Variants in SLC26A7 observed in about 807,000 individuals in gnomAD.
The protein encoded by SLC26A7 is solute carrier family 26 member 7, also known as anion exchange transporter.
SLC26A7 carries 59 observed loss-of-function variants against 82.5 expected under a neutral mutation model. That is an observed-to-expected ratio of 0.72 (90% CI 0.58 to 0.89). The LOEUF (loss-of-function observed/expected upper bound fraction) is 0.89. SLC26A7 is among the 40% of genes least tolerant of loss of function. SLC26A7 has a pLI of 0.00. For synonymous variants in SLC26A7, 271 were observed against 274.3 expected (o/e 0.99, Z 0.12); for missense variants, 820 against 793.0 (o/e 1.03, Z -0.41).
chr8:91,285,026 T>C (rs910424566), intron 2 of SLC26A7, among the ~76,000 whole-genome samples: 12 of 152,212 alleles, frequency 7.9e-5, no homozygotes, highest in African/African-American at 2.9e-4. Flanking sequence ...AGGAATTTAT[T>C]CTTGAGGCTA....
chr8:91,388,295 G>A (rs1001057331), intron 15 of SLC26A7, among the ~76,000 whole-genome samples: 2 of 149,472 alleles, frequency 1.3e-5, no homozygotes, highest in South Asian at 2.1e-4. Flanking sequence ...TGCCCAGGCT[G>A]GAGTGCAGTG....
intron 15 of SLC26A7, among the ~76,000 whole-genome samples, chr8:91,377,655 C>G (rs35262211): frequency 0.17 from 26,087 of 152,122 alleles, 2,759 homozygotes; most frequent in African/African-American, 0.3. Context: ...CAAGTTGCCA[C>G]CAACAGCATT....
intron 6 of SLC26A7, among the ~76,000 whole-genome samples, chr8:91,334,835 G>A (rs1813196433): frequency 6.6e-6 from 1 of 152,070 alleles, no homozygotes; most frequent in Admixed American, 6.6e-5. Flanking sequence ...TATAAGATAT[G>A]TATAGAAATA....
At chr8:91,323,627 C>T (rs568855507) in intron 5 of SLC26A7, among the ~76,000 whole-genome samples, 1 of 152,146 alleles carries the variant, frequency 6.6e-6, no homozygotes, top group African/African-American at 2.4e-5. Flanking sequence ...TATTTTATCC[C>T]TTGAAGTAAT....
chr8:91,226,923 A>C (rs540629155), intron 2 of SLC26A7, among the ~76,000 whole-genome samples: 33 of 152,342 alleles, frequency 2.2e-4, no homozygotes, highest in African/African-American at 7.0e-4. Context: ...CATGACTCTG[A>C]TGTCAGGAAA....
At chr8:91,338,007 A>G in intron 6 of SLC26A7, 143 bp from the exon 7 acceptor site, 1 of 464,224 alleles carries the variant, frequency 2.2e-6, no homozygotes, top group Non-Finnish European at 3.6e-6. Context: ...TATTTTATTT[A>G]TTTTTGAAAG....
rs1333679061 is a variant in SLC26A7, at chr8:91,249,662, C to G, written c.11C>G (p.Ala4Gly). 5.2e-6 allele frequency: 8 copies of G among 1,524,136 alleles called. No individual in the cohort carries two copies. The South Asian group carries it at 1.0e-4, about 20-fold the overall frequency. 94.4% of individuals were successfully genotyped at this position (1,524,136 alleles called of 1,614,324 possible). The change falls in exon 2 of 19, where the codon GCA (alanine) becomes GGA (glycine). Residue 4 changes from alanine to glycine, a missense_variant. Ala to Gly is a moderately conservative substitution (Grantham distance 60). Coordinates refer to ENST00000276609, the MANE Select transcript of SLC26A7 (RefSeq NM_052832.4). ...GAAGAAATCTGAAAAATGACAGGAG[C>G]AAAGAGGAAAAAGAAAAGCATGCTT... MTG[A>G]KRKKKSMLWS...
chr8:91,394,695 A>G (rs1386043938), intron 18 of SLC26A7: 8 of 1,092,104 alleles, frequency 7.3e-6, no homozygotes, highest in Non-Finnish European at 9.0e-6. Flanking sequence ...TAACACTATT[A>G]TTATTAAATC....
At position 91,349,861 on chromosome 8, in the gene SLC26A7, T is replaced by C. The variant is rs570704221; in HGVS notation, c.1141-1949T>C. On this transcript the variant is annotated intron_variant, in intron 9 of 18. Transcript: ENST00000276609. Reference sequence around the variant, plus strand: ...TTTTTCTTTTCATGTAAACATGGAATTACTGAATCACTGACTGAGCTCTCT... The same window carrying C: ...TTTTTCTTTTCATGTAAACATGGAACTACTGAATCACTGACTGAGCTCTCT... 2.6e-5 allele frequency among the ~76,000 whole-genome samples: 4 copies of C among 152,268 alleles called. No individual in the cohort carries two copies. In the East Asian group the frequency reaches 7.7e-4, roughly 29 times the overall value.
chr8:91,332,158 TAC>T (rs1377774914), intron 5 of SLC26A7, among the ~76,000 whole-genome samples: 4 of 146,796 alleles, frequency 2.7e-5, no homozygotes, highest in African/African-American at 7.4e-5. Flanking sequence ...TATATATATA[TAC>T]ACACACATAT....
intron 9 of SLC26A7, among the ~76,000 whole-genome samples, chr8:91,348,844 C>G (rs549697235): frequency 6.6e-6 from 1 of 151,784 alleles, no homozygotes; most frequent in African/African-American, 2.4e-5. Context: ...GTAAAATATA[C>G]GAAGAAAGTA....
intron 2 of SLC26A7, among the ~76,000 whole-genome samples, chr8:91,233,693 A>C (rs1810346770): frequency 6.6e-6 from 1 of 152,224 alleles, no homozygotes; most frequent in Admixed American, 6.5e-5. Context: ...TAAAGGCCCC[A>C]AGCAACTTGT....
intron 15 of SLC26A7, among the ~76,000 whole-genome samples, chr8:91,370,966 ATTAC>A (rs1814342552): frequency 6.6e-6 from 1 of 151,852 alleles, no homozygotes; most frequent in South Asian, 2.1e-4. Flanking sequence ...ATCTAGTTGT[ATTAC>A]TTTTTATTTT....
intron 2 of SLC26A7, among the ~76,000 whole-genome samples, chr8:91,271,571 G>A (rs934925196): frequency 3.3e-5 from 5 of 151,526 alleles, no homozygotes; most frequent in African/African-American, 9.7e-5. Flanking sequence ...TTCCAGGCTC[G>A]GGGGTGGTCT....
intron 1 of SLC26A7, among the ~76,000 whole-genome samples, chr8:91,213,677 A>G (rs1809979026): frequency 6.6e-6 from 1 of 152,232 alleles, no homozygotes; most frequent in Non-Finnish European, 1.5e-5. Flanking sequence ...TTCAAAGTGG[A>G]AGATGAGATC....
At chr8:91,264,674 T>G (rs537403275) in intron 2 of SLC26A7, among the ~76,000 whole-genome samples, 1 of 152,138 alleles carries the variant, frequency 6.6e-6, no homozygotes, top group East Asian at 1.9e-4. Flanking sequence ...CCAAATTGCT[T>G]CTTTAAGAGT....
In SLC26A7 at chr8:91,327,136, G is replaced by A. The variant is rs147915285; in HGVS notation, c.643-7159G>A. On this transcript the variant is annotated intron_variant, in intron 5 of 18. Coordinates refer to ENST00000276609, the MANE Select transcript of SLC26A7 (RefSeq NM_052832.4). ...TTTTTTGGTGGGGAGGGGAGATAGG[G>A]GACTACAATTCACTCACTGCAGTAA... 5.2e-3 allele frequency among the ~76,000 whole-genome samples: 787 copies of A among 152,162 alleles called. 14 individuals are homozygous for A. Among genetic ancestry groups the A allele is most frequent in the South Asian group, 0.027 (128 of 4,816 alleles).
chr8:91,381,789 C>T (rs1205784154), intron 15 of SLC26A7, among the ~76,000 whole-genome samples: 1 of 152,124 alleles, frequency 6.6e-6, no homozygotes, highest in Non-Finnish European at 1.5e-5. Flanking sequence ...GCTGTACTCT[C>T]CTATGCTTTA....
intron 11 of SLC26A7, among the ~76,000 whole-genome samples, chr8:91,353,379 A>G (rs1038646909): frequency 6.6e-6 from 1 of 152,184 alleles, no homozygotes; most frequent in Non-Finnish European, 1.5e-5. Flanking sequence ...AATCACTAAG[A>G]ATGCACGCTG....
Sources: gnomAD v4.1 joint callset for allele counts (sites outside exome capture counted in the v4.1 genomes callset) on GRCh38, gnomAD v4.1.1 for gene constraint, MANE v1.5 for transcripts, NCBI Gene and HGNC (gene_info 2026-07-23, HGNC 2026-07-21) for gene names.